Variants in IGSF11 observed in about 807,000 individuals in gnomAD.
IGSF11 encodes the protein CXADR like 1.
Under a neutral mutation model 41.0 loss-of-function variants are expected in IGSF11, and 22 were observed. The ratio of observed to expected loss-of-function variants is 0.54; its 90% confidence interval spans 0.38 to 0.77. The LOEUF (loss-of-function observed/expected upper bound fraction) is 0.77, where lower values mean the gene tolerates loss of function less well. Ranked by LOEUF, IGSF11 falls within the 30% of genes least tolerant of loss-of-function variation. IGSF11 has a pLI of 0.00. For synonymous variants in IGSF11, 219 were observed against 201.3 expected, an observed-to-expected ratio of 1.09 and a Z score of -0.74; for missense variants, 444 against 530.8, an observed-to-expected ratio of 0.84 and a Z score of 1.61.
intron 1 of IGSF11, among the ~76,000 whole-genome samples, chr3:119,088,741 A>G (rs758655514): frequency 9.2e-5 from 14 of 152,162 alleles, no homozygotes; most frequent in Non-Finnish European, 1.6e-4. Flanking sequence ...AATAAACACA[A>G]TCAGAAACAG....
intron 4 of IGSF11, among the ~76,000 whole-genome samples, chr3:118,914,029 G>A (rs1362825729): frequency 6.6e-6 from 1 of 152,004 alleles, no homozygotes; most frequent in African/African-American, 2.4e-5. Context: ...AGCTTTCTAT[G>A]GTCCTATTAT....
intron 1 of IGSF11, among the ~76,000 whole-genome samples, chr3:119,087,373 TAC>T (rs200774982): frequency 0.29 from 42,024 of 147,210 alleles, 5,930 homozygotes; most frequent in South Asian, 0.35. Context: ...GAAAATGTTA[TAC>T]ACACACACAC....
chr3:119,105,195 A>C (rs200745079), exon 1 of IGSF11: 1 of 1,601,262 alleles, frequency 6.2e-7, no homozygotes, highest in Non-Finnish European at 8.6e-7. Context: ...AGAGACATTT[A>C]TTCTTCTTGC....
intron 1 of IGSF11, among the ~76,000 whole-genome samples, chr3:119,001,518 T>A (rs1250206123): frequency 3.1e-4 from 46 of 147,818 alleles, no homozygotes; most frequent in African/African-American, 1.1e-3. Context: ...ATGTGCACAT[T>A]GTGCAGGTTA....
intron 4 of IGSF11, among the ~76,000 whole-genome samples, chr3:118,916,783 C>T (rs1024005382): frequency 3.3e-5 from 5 of 151,842 alleles, no homozygotes; most frequent in Admixed American, 1.3e-4. Flanking sequence ...GAACTCTCCA[C>T]CCCAAATCAA....
At chr3:119,065,792 C>CA (rs1193374379) in intron 1 of IGSF11, among the ~76,000 whole-genome samples, 2,790 of 55,906 alleles carry the variant, frequency 0.05, 127 homozygotes, top group African/African-American at 0.079. Flanking sequence ...GACTCTGTCT[C>CA]AAAAAAAAAA....
intron 1 of IGSF11, among the ~76,000 whole-genome samples, chr3:119,135,084 T>C (rs2077541213): frequency 6.6e-6 from 1 of 152,178 alleles, no homozygotes. Flanking sequence ...AAGACTTAAA[T>C]GTAAGATCTA....
intron 1 of IGSF11, among the ~76,000 whole-genome samples, chr3:119,082,111 T>A (rs543071511): frequency 2.4e-4 from 36 of 152,326 alleles, no homozygotes; most frequent in South Asian, 1.9e-3. Flanking sequence ...AATCTGACTA[T>A]GTAAACTCCT....
intron 1 of IGSF11, among the ~76,000 whole-genome samples, chr3:118,972,262 C>T (rs1277635965): frequency 6.6e-6 from 1 of 152,144 alleles, no homozygotes; most frequent in Non-Finnish European, 1.5e-5. Flanking sequence ...ATTTGAATGC[C>T]TGTTTCCTTT....
chr3:118,970,351 A>G (rs1009305057), intron 1 of IGSF11, among the ~76,000 whole-genome samples: 9 of 152,238 alleles, frequency 5.9e-5, no homozygotes, highest in South Asian at 2.1e-4. Context: ...TCCAATTGTT[A>G]CCACATAAAA....
At chr3:118,904,158 G>C (rs771018179) in intron 6 of IGSF11, among the ~76,000 whole-genome samples, 6 of 152,134 alleles carry the variant, frequency 3.9e-5, no homozygotes, top group Non-Finnish European at 7.4e-5. Flanking sequence ...TATGACTAGA[G>C]TCACTTTTCT....
intron 1 of IGSF11, among the ~76,000 whole-genome samples, chr3:119,041,167 A>G (rs1941106197): frequency 6.6e-6 from 1 of 152,240 alleles, no homozygotes; most frequent in Non-Finnish European, 1.5e-5. Context: ...TAAAATGTTT[A>G]ACAAATATAT....
At chr3:119,017,733 A>G (rs2107706786) in intron 1 of IGSF11, among the ~76,000 whole-genome samples, 1 of 149,470 alleles carries the variant, frequency 6.7e-6, no homozygotes, top group East Asian at 1.9e-4. Context: ...CTCTAAAATT[A>G]TAAACTCAGT....
intron 1 of IGSF11, among the ~76,000 whole-genome samples, chr3:118,986,014 C>T (rs528707461): frequency 3.9e-5 from 6 of 152,338 alleles, no homozygotes; most frequent in African/African-American, 1.4e-4. Flanking sequence ...AGCTTCCCCT[C>T]CTGCCACTTG....
intron 1 of IGSF11, among the ~76,000 whole-genome samples, chr3:119,078,554 CA>C (rs1244516330): frequency 2.4e-4 from 37 of 152,128 alleles, no homozygotes. Flanking sequence ...TCACCATTTA[CA>C]AAAATCAGCT....
intron 1 of IGSF11, among the ~76,000 whole-genome samples, chr3:119,004,230 G>T (rs1937227323): frequency 6.6e-6 from 1 of 151,300 alleles, no homozygotes; most frequent in African/African-American, 2.4e-5. Flanking sequence ...ATTTCTTCTA[G>T]ATTTTCTAGT....
chr3:119,110,238 G>C (rs1249788367), intron 1 of IGSF11, among the ~76,000 whole-genome samples: 1 of 151,936 alleles, frequency 6.6e-6, no homozygotes, highest in African/African-American at 2.4e-5. Flanking sequence ...TCTCTTTGTA[G>C]GTCACTCAGG....
chr3:119,026,412 G>A (rs868446329), intron 1 of IGSF11, among the ~76,000 whole-genome samples: 15 of 152,018 alleles, frequency 9.9e-5, no homozygotes, highest in African/African-American at 3.1e-4. Context: ...AGACCCTTTC[G>A]GAAAGTCTAT....
intron 1 of IGSF11, among the ~76,000 whole-genome samples, chr3:119,122,677 C>A (rs2077349457): frequency 6.6e-6 from 1 of 152,214 alleles, no homozygotes. Flanking sequence ...TTTTGTCTTG[C>A]ATTTTGGGTA....
Sources: gnomAD v4.1 joint callset for allele counts (sites outside exome capture counted in the v4.1 genomes callset) on GRCh38, gnomAD v4.1.1 for gene constraint, MANE v1.5 for transcripts, NCBI Gene and HGNC (gene_info 2026-07-23, HGNC 2026-07-21) for gene names.